The following BCR variants were observed in gnomAD, a reference collection of about 807,000 sequenced individuals.
BCR encodes the protein breakpoint cluster region protein.
In BCR, 58 loss-of-function variants were observed where a neutral mutation model predicts 138.6. The observed-to-expected ratio is 0.42, with a 90% CI of 0.34 to 0.52. The LOEUF (loss-of-function observed/expected upper bound fraction) is 0.52, where lower values mean the gene tolerates loss of function less well. Among genes scored for constraint, BCR ranks in the 20% least tolerant of loss-of-function variants. The pLI is 0.06. For missense variants in BCR, 1,599 were observed against 1,727.2 expected (o/e 0.93, Z 1.32); for synonymous variants, 786 against 730.1 (o/e 1.08, Z -1.23).
chr22:23,288,704 A>G (rs1314442099), intron 12 of BCR, among the ~76,000 whole-genome samples: 5 of 152,168 alleles, frequency 3.3e-5, no homozygotes, highest in Non-Finnish European at 7.3e-5. Context: ...CCCTGTTCAT[A>G]TGGCCGGGGT....
At chr22:23,251,797 TC>T (rs1177676077) in intron 1 of BCR, among the ~76,000 whole-genome samples, 1 of 152,108 alleles carries the variant, frequency 6.6e-6, no homozygotes, top group Non-Finnish European at 1.5e-5. Context: ...CTCTCAGAAG[TC>T]CCATGGGCCT....
chr22:23,297,227 T>G (rs573827947), intron 16 of BCR, among the ~76,000 whole-genome samples: 8 of 142,684 alleles, frequency 5.6e-5, no homozygotes, highest in South Asian at 2.3e-4. Flanking sequence ...TTTTGTTTTT[T>G]TTTTTTTTTT....
rs567662538 is a variant in BCR at position 23,218,008 on chromosome 22, A to G, written c.1279+35769A>G. Among the ~76,000 whole-genome samples, 29 of 152,302 alleles carry G rather than the reference A, an allele frequency of 1.9e-4. 2 individuals carry two copies. The highest frequency in any genetic ancestry group is 6.8e-3 in the Middle Eastern group (2 of 294). ...AAGGGTTGTGAACCTGCTCTGGGCAAATGGGCCTGGCTCCTGGGAAACTTC... is the reference window on the plus strand; with the variant it reads ...AAGGGTTGTGAACCTGCTCTGGGCAGATGGGCCTGGCTCCTGGGAAACTTC... On this transcript the variant is annotated intron_variant, in intron 1 of 22. Coordinates refer to ENST00000305877, the MANE Select transcript of BCR (RefSeq NM_004327.4).
At chr22:23,277,406 T>A (rs1455011442) in intron 8 of BCR, among the ~76,000 whole-genome samples, 1 of 152,168 alleles carries the variant, frequency 6.6e-6, no homozygotes, top group African/African-American at 2.4e-5. Flanking sequence ...CCCTTCCTCC[T>A]CTGTGAGCCG....
chr22:23,293,360 G>C lies in BCR; in HGVS notation c.2880+722G>C, dbSNP rs80008728. Among the ~76,000 whole-genome samples the C allele has an allele frequency of 9.0e-3, 1,363 of 152,268 alleles. 17 individuals are homozygous for C. Among genetic ancestry groups the C allele is most frequent in the African/African-American group, 0.031 (1,301 of 41,550 alleles). On this transcript the variant is annotated intron_variant, in intron 15 of 22. Coordinates refer to ENST00000305877, the MANE Select transcript of BCR (RefSeq NM_004327.4). ...AAGCCAAGAGCCCCCAGGCTGCTTG[G>C]TCTACACGGGTCACGAGGCTGGTGG...
At chr22:23,263,978 G>C (rs1392786978) in intron 4 of BCR, 22 of 888,730 alleles carry the variant, frequency 2.5e-5, no homozygotes, top group Non-Finnish European at 3.7e-5. Flanking sequence ...TGACACACTT[G>C]GACAGAGACT....
chr22:23,309,653 C>T (rs1389943452), intron 17 of BCR, 170 bp downstream of exon 17: 1 of 608,318 alleles, frequency 1.6e-6, no homozygotes, highest in Non-Finnish European at 3.0e-6. Context: ...CGGGAATCGT[C>T]ATTCATTGGC....
intron 19 of BCR, 163 bp downstream of exon 19, chr22:23,311,999 A>G: frequency 2.2e-6 from 3 of 1,367,874 alleles, no homozygotes; most frequent in Non-Finnish European, 2.9e-6. Flanking sequence ...AGTTGTAGAA[A>G]AAGCCTCTGT....
chr22:23,215,930 A>G (rs971210527), intron 1 of BCR, among the ~76,000 whole-genome samples: 43 of 152,226 alleles, frequency 2.8e-4, no homozygotes, highest in African/African-American at 1.0e-3. Flanking sequence ...TCCTGTAAAC[A>G]TGGGTCATTT....
At chr22:23,295,308 C>T (rs1359231888) in intron 16 of BCR, among the ~76,000 whole-genome samples, 153 bp downstream of exon 16, 2 of 152,118 alleles carry the variant, frequency 1.3e-5, no homozygotes, top group East Asian at 3.9e-4. Flanking sequence ...AGACCTGAGC[C>T]GGTGCCTGCA....
chr22:23,190,491 A>G (rs908691654), intron 1 of BCR, among the ~76,000 whole-genome samples: 2 of 152,148 alleles, frequency 1.3e-5, no homozygotes, highest in South Asian at 2.1e-4. Context: ...TTAAAAGGAC[A>G]CCAGTAAGAC....
intron 1 of BCR, among the ~76,000 whole-genome samples, chr22:23,253,381 C>T (rs1367328753): frequency 6.6e-6 from 1 of 152,146 alleles, no homozygotes; most frequent in Non-Finnish European, 1.5e-5. Context: ...TTGGTTCTCC[C>T]GGCAACCAGC....
rs772604708 is a variant in BCR, at chr22:23,315,533, C to T, written c.*11C>T. The T allele has an allele frequency of 1.9e-6, 3 of 1,611,158 alleles. No homozygotes were observed. Among genetic ancestry groups the T allele is most frequent in the South Asian group, 1.1e-5 (1 of 90,960 alleles). ...TCCACCGAAGTCTAAAGGTCCCAGT[C>T]CATCTCCTGGAGGCGGACAGATGGC... On this transcript the variant is annotated 3_prime_UTR_variant, in exon 23 of 23. Coordinates refer to ENST00000305877, the MANE Select transcript of BCR (RefSeq NM_004327.4).
chr22:23,195,554 C>T (rs952846829), intron 1 of BCR, among the ~76,000 whole-genome samples: 1 of 151,024 alleles, frequency 6.6e-6, no homozygotes, highest in Non-Finnish European at 1.5e-5. Context: ...GATCTTGCCA[C>T]TGCACTCCAG....
Position 23,268,439 on chromosome 22 carries a change from T to C in BCR, c.1784T>C (p.Val595Ala). Residue 595 changes from valine (V) to alanine (A), a missense_variant, in exon 5 of 23, where the codon GTG (valine) becomes GCG (alanine). Val to Ala is a moderately conservative substitution (Grantham distance 64). Around this residue, in one of 4 missense-constraint regions of BCR, gnomAD observed 590 missense variants for 762.4 expected, o/e 0.77. Transcript: ENST00000305877. Reference protein sequence around the residue: ...ASQLGVYRAFVDNYGVAMEMA... With the variant: ...ASQLGVYRAFADNYGVAMEMA... The stretch of plus-strand genomic sequence containing the variant: ...CAGCTGGGTGTGTACCGGGCCTTCG[T>C]GGACAACTACGGAGTTGCCATGGAA... 1.2e-6 allele frequency: 2 copies of C among 1,613,696 alleles called. No individual in the cohort carries two copies. Among genetic ancestry groups the C allele is most frequent in the Non-Finnish European group, 1.7e-6 (2 of 1,179,824 alleles).
At chr22:23,264,811 C>T (rs1465117047) in intron 4 of BCR, 1 of 153,202 alleles carries the variant, frequency 6.5e-6, no homozygotes, top group Non-Finnish European at 1.5e-5. Flanking sequence ...CTTGACCAAC[C>T]TCTCGGGGCC....
intron 1 of BCR, among the ~76,000 whole-genome samples, chr22:23,198,720 A>G (rs1170191888): frequency 1.3e-5 from 2 of 152,090 alleles, no homozygotes; most frequent in African/African-American, 2.4e-5. Context: ...TAGGACTGCT[A>G]TGCACCGGGC....
chr22:23,214,867 C>T (rs758875134), intron 1 of BCR, among the ~76,000 whole-genome samples: 20 of 152,178 alleles, frequency 1.3e-4, no homozygotes, highest in Non-Finnish European at 2.4e-4. Flanking sequence ...AGCATACGAT[C>T]GATGCATGAC....
chr22:23,248,019 T>C (rs1275178189), intron 1 of BCR, among the ~76,000 whole-genome samples: 1 of 152,134 alleles, frequency 6.6e-6, no homozygotes, highest in Non-Finnish European at 1.5e-5. Context: ...TGAATATGGG[T>C]GTGCAAATAT....
Sources: gnomAD v4.1 joint callset for allele counts (sites outside exome capture counted in the v4.1 genomes callset) on GRCh38, gnomAD v4.1.1 for gene constraint, gnomAD v4.1.1 regional missense constraint, MANE v1.5 for transcripts, NCBI Gene and HGNC (gene_info 2026-07-23, HGNC 2026-07-21) for gene names.